Variants in SEC22A observed in about 807,000 individuals in gnomAD.
The protein encoded by SEC22A is SEC22 homolog A, vesicle trafficking protein, also known as vesicle-trafficking protein SEC22a.
SEC22A carries 22 observed loss-of-function variants against 35.3 expected under a neutral mutation model. The ratio of observed to expected loss-of-function variants is 0.62; its 90% CI spans 0.45 to 0.89. The LOEUF is 0.89. SEC22A is among the 40% of genes least tolerant of loss of function. SEC22A has a pLI of 0.00. For synonymous variants in SEC22A, 119 were observed against 129.5 expected (o/e 0.92, Z 0.55); for missense variants, 354 against 362.5 (o/e 0.98, Z 0.19).
intron 2 of SEC22A, among the ~76,000 whole-genome samples, chr3:123,213,213 A>G (rs1032716257): frequency 2.0e-5 from 3 of 152,210 alleles, no homozygotes; most frequent in Admixed American, 2.0e-4. Context: ...GTTTTCTATC[A>G]TTGATAAGAG....
At chr3:123,218,808 G>T (rs990182358) in intron 2 of SEC22A, among the ~76,000 whole-genome samples, 1 of 152,142 alleles carries the variant, frequency 6.6e-6, no homozygotes, top group South Asian at 2.1e-4. Context: ...AAGGAATGAT[G>T]CCACCTTTGC....
chr3:123,257,995 G>GAAAAAAAAAAAAAAAAAAAA (rs61068587), intron 5 of SEC22A, among the ~76,000 whole-genome samples: 14 of 111,460 alleles, frequency 1.3e-4, no homozygotes, highest in Non-Finnish European at 2.3e-4. Flanking sequence ...CCATCTCATT[G>GAAAAAAAAAAAAAAAAAAAA]AAAAAAAAAA....
intron 4 of SEC22A, among the ~76,000 whole-genome samples, chr3:123,230,293 TTA>T (rs1475017659): frequency 6.6e-6 from 1 of 152,046 alleles, no homozygotes; most frequent in Non-Finnish European, 1.5e-5. Flanking sequence ...ATGGGTGGTA[TTA>T]AAGTTGTACT....
chr3:123,223,513 C>T, intron 2 of SEC22A, 46 bp from the exon 3 acceptor site: 1 of 1,500,470 alleles, frequency 6.7e-7, no homozygotes. Flanking sequence ...AGTGAATTAC[C>T]TTGATTTAAT....
intron 6 of SEC22A, among the ~76,000 whole-genome samples, chr3:123,264,426 G>A (rs1284086886): frequency 6.6e-6 from 1 of 152,094 alleles, no homozygotes; most frequent in Non-Finnish European, 1.5e-5. Flanking sequence ...CTCCAGCAAT[G>A]TGTGAATGAT....
chr3:123,221,237 A>G (rs1937117117), intron 2 of SEC22A, among the ~76,000 whole-genome samples: 1 of 151,762 alleles, frequency 6.6e-6, no homozygotes, highest in African/African-American at 2.4e-5. Flanking sequence ...TTGGGAGGCC[A>G]AGGTGGGCAG....
rs190910112 is a variant in SEC22A, at chr3:123,234,078, T to C, written c.541+8781T>C. Among the ~76,000 whole-genome samples the C allele has an allele frequency of 2.1e-4, 32 of 152,224 alleles. No homozygotes were observed. In the East Asian group the frequency reaches 5.0e-3, roughly 24 times the overall value. On this transcript the variant is annotated intron_variant, in intron 4 of 6. Transcript: ENST00000492595. Reference sequence around the variant, plus strand: ...AACAATGAACAATCTGAAAATGAAATTAAGAAAACCCTATATACTGAAAAC... The same window carrying C: ...AACAATGAACAATCTGAAAATGAAACTAAGAAAACCCTATATACTGAAAAC...
At chr3:123,249,660 G>A (rs1007154625) in intron 5 of SEC22A, among the ~76,000 whole-genome samples, 3 of 152,088 alleles carry the variant, frequency 2.0e-5, no homozygotes, top group African/African-American at 7.2e-5. Flanking sequence ...GAGTAGCTGG[G>A]ATTACAGATG....
At chr3:123,255,470 TACACAC>T (rs1164895614) in intron 5 of SEC22A, among the ~76,000 whole-genome samples, 3 of 151,802 alleles carry the variant, frequency 2.0e-5, no homozygotes, top group Admixed American at 6.6e-5. Flanking sequence ...CATTTATACA[TACACAC>T]ACACATACAC....
intron 4 of SEC22A, among the ~76,000 whole-genome samples, chr3:123,237,523 C>T (rs1225948419): frequency 1.3e-5 from 2 of 152,164 alleles, no homozygotes; most frequent in Non-Finnish European, 2.9e-5. Context: ...TGGATGGTGG[C>T]ACTGATCTCT....
At chr3:123,220,128 A>G (rs973659572) in intron 2 of SEC22A, among the ~76,000 whole-genome samples, 3 of 152,204 alleles carry the variant, frequency 2.0e-5, no homozygotes, top group Non-Finnish European at 4.4e-5. Flanking sequence ...CATTTAGCAC[A>G]AGTAAGATAG....
At chr3:123,215,017 C>G (rs1221665790) in intron 2 of SEC22A, among the ~76,000 whole-genome samples, 3 of 152,216 alleles carry the variant, frequency 2.0e-5, no homozygotes, top group Non-Finnish European at 4.4e-5. Context: ...GTTTCCCTTT[C>G]ACTCTTTCGG....
At chr3:123,236,789 A>G (rs2108065796) in intron 4 of SEC22A, among the ~76,000 whole-genome samples, 1 of 151,956 alleles carries the variant, frequency 6.6e-6, no homozygotes, top group East Asian at 1.9e-4. Context: ...ACTACACTAC[A>G]TGAACATAGA....
chr3:123,244,724 C>T lies in SEC22A; in HGVS notation c.542-1175C>T, dbSNP rs375684377. ...AATATAAGTTGCAGAGATTTAAACC[C>T]GCCCTTATATTAATGTTCCACCTCA... On this transcript the variant is annotated intron_variant, in intron 4 of 6. Transcript: ENST00000492595. Among the ~76,000 whole-genome samples the T allele has an allele frequency of 1.2e-4, 19 of 152,184 alleles. No homozygotes were observed. The East Asian group carries it at 2.5e-3, about 20-fold the overall frequency.
chr3:123,224,621 G>C (rs998908678), intron 3 of SEC22A, among the ~76,000 whole-genome samples: 2 of 152,030 alleles, frequency 1.3e-5, no homozygotes, highest in Non-Finnish European at 2.9e-5. Context: ...CATAGACCCT[G>C]TCTGTACAAA....
rs1385595736 is a variant in SEC22A at position 123,273,911 on chromosome 3, C to T, written c.*2189C>T. 2.0e-5 allele frequency: 3 copies of T among 152,164 alleles called. No individual in the cohort carries two copies. Among genetic ancestry groups the T allele is most frequent in the African/African-American group, 7.2e-5 (3 of 41,428 alleles). 9.4% of individuals were successfully genotyped at this position (152,164 alleles called of 1,614,324 possible). A position where few individuals can be genotyped will look rare whatever the true frequency, so the allele number is the denominator to read the frequency against. On this transcript the variant is annotated 3_prime_UTR_variant, in exon 7 of 7. Coordinates refer to ENST00000492595, the MANE Select transcript of SEC22A (RefSeq NM_012430.5). The stretch of plus-strand genomic sequence containing the variant: ...GATTTTGCTCTGTATTGACACAGCT[C>T]GCACCAGTTTGGTTCAGGAGCTACC...
chr3:123,267,675 T>A (rs368379413), intron 6 of SEC22A, among the ~76,000 whole-genome samples: 1 of 152,212 alleles, frequency 6.6e-6, no homozygotes, highest in East Asian at 1.9e-4. Context: ...TCTTTCCCAA[T>A]GTTTCAAGAT....
intron 5 of SEC22A, among the ~76,000 whole-genome samples, chr3:123,248,176 T>A (rs1239489530): frequency 6.6e-6 from 1 of 152,140 alleles, no homozygotes; most frequent in Non-Finnish European, 1.5e-5. Context: ...CACTTACCAC[T>A]CTGTCCAACA....
At chr3:123,233,653 AC>A (rs1468320667) in intron 4 of SEC22A, among the ~76,000 whole-genome samples, 1 of 130,824 alleles carries the variant, frequency 7.6e-6, no homozygotes, top group South Asian at 2.4e-4. Context: ...AAACAAACAA[AC>A]AAAAAAAAAC....
Sources: gnomAD v4.1 joint callset for allele counts (sites outside exome capture counted in the v4.1 genomes callset) on GRCh38, gnomAD v4.1.1 for gene constraint, MANE v1.5 for transcripts, NCBI Gene and HGNC (gene_info 2026-07-23, HGNC 2026-07-21) for gene names.